The following ERO1A variants were observed in gnomAD, a reference collection of about 807,000 sequenced individuals.
ERO1A encodes endoplasmic reticulum oxidoreductase 1 alpha.
In ERO1A, 49 loss-of-function variants were observed where a neutral mutation model predicts 76.9. The ratio of observed to expected loss-of-function variants is 0.64; its 90% CI spans 0.51 to 0.81. The LOEUF (loss-of-function observed/expected upper bound fraction) is 0.81. Ranked by LOEUF, ERO1A falls within the 30% of genes least tolerant of loss-of-function variation. The pLI is 0.00. For missense variants in ERO1A, 448 were observed against 542.1 expected (o/e 0.83, Z 1.72); for synonymous variants, 174 against 181.2 (o/e 0.96, Z 0.32).
Position 52,641,903 on chromosome 14 carries a change from T to G in ERO1A, c.*1667A>C, listed in dbSNP as rs2039488676. ...ATGCATACATTCATCCAACAAATAT[T>G]TATTGGATACCAAGTATGTGCTTGG... On this transcript the variant is annotated 3_prime_UTR_variant, in exon 16 of 16. Transcript: ENST00000395686. 6.6e-6 allele frequency: 1 copy of G among 152,190 alleles called. No individual in the cohort carries two copies. The highest frequency in any genetic ancestry group is 1.5e-5 in the Non-Finnish European group (1 of 68,048). The allele number at this position is 152,190 out of a possible 1,614,324, so 9.4% of individuals were successfully genotyped here.
chr14:52,695,439 C>T lies in ERO1A; in HGVS notation c.43G>A (p.Val15Met). Residue 15 changes from valine to methionine, a missense_variant, in exon 1 of 16, where the codon GTG becomes ATG. Val to Met is a conservative substitution (Grantham distance 21, BLOSUM62 1). Transcript: ENST00000395686. ...CCGTGGCCCGAGCTGAGCAGCCACA[C>T]GGCGCCCAGGAGGCCAAACAAGAAT... Reference protein sequence around the residue: ...WGFLFGLLGAVWLLSSGHGEE... With the variant: ...WGFLFGLLGAMWLLSSGHGEE... 1.3e-6 allele frequency: 2 copies of T among 1,551,274 alleles called. No individual in the cohort carries two copies. The highest frequency in any genetic ancestry group is 2.5e-5 in the East Asian group (1 of 40,290).
chr14:52,673,881 G>T (rs1167822991), intron 4 of ERO1A, among the ~76,000 whole-genome samples: 1 of 152,110 alleles, frequency 6.6e-6, no homozygotes, highest in Non-Finnish European at 1.5e-5. Context: ...AGGACTACAG[G>T]TGCATGCCAC....
chr14:52,662,315 G>A (rs2040258198), intron 8 of ERO1A, among the ~76,000 whole-genome samples: 1 of 152,042 alleles, frequency 6.6e-6, no homozygotes, highest in South Asian at 2.1e-4. Context: ...CTTCCACTGA[G>A]TCACCACATG....
intron 15 of ERO1A, among the ~76,000 whole-genome samples, chr14:52,645,116 A>G (rs1209157639): frequency 6.6e-6 from 1 of 152,090 alleles, no homozygotes; most frequent in African/African-American, 2.4e-5. Context: ...TTTTTATATA[A>G]TGGTGAGTTC....
chr14:52,659,833 T>TAA (rs11463869), intron 9 of ERO1A, among the ~76,000 whole-genome samples: 20 of 137,636 alleles, frequency 1.5e-4, no homozygotes, highest in Admixed American at 2.2e-4. Context: ...GTGTCCTTTT[T>TAA]AAAAAAAAAA....
intron 8 of ERO1A, among the ~76,000 whole-genome samples, chr14:52,663,380 A>T (rs1225152153): frequency 6.6e-6 from 1 of 152,038 alleles, no homozygotes; most frequent in African/African-American, 2.4e-5. Flanking sequence ...CGGGTGGATC[A>T]TGAGGTCAGG....
At chr14:52,691,322 A>G (rs1457110434) in intron 1 of ERO1A, among the ~76,000 whole-genome samples, 1 of 152,230 alleles carries the variant, frequency 6.6e-6, no homozygotes, top group Non-Finnish European at 1.5e-5. Context: ...CTAGAACGCT[A>G]CAGGTCATTT....
At chr14:52,656,897 C>A (rs1476801411) in intron 11 of ERO1A, among the ~76,000 whole-genome samples, 1 of 151,976 alleles carries the variant, frequency 6.6e-6, no homozygotes, top group Non-Finnish European at 1.5e-5. Flanking sequence ...CTTGTCTCTA[C>A]AAAAAATATT....
At chr14:52,680,207 C>T (rs946574295) in intron 3 of ERO1A, among the ~76,000 whole-genome samples, 1 of 151,464 alleles carries the variant, frequency 6.6e-6, no homozygotes, top group African/African-American at 2.4e-5. Flanking sequence ...AAATTGATAA[C>T]TTCCACCTGA....
At position 52,683,894 on chromosome 14, in the gene ERO1A, A is replaced by G; in HGVS notation, c.128T>C (p.Leu43Ser). 1 of 1,587,574 alleles carries G rather than the reference A, an allele frequency of 6.3e-7. No homozygotes were observed. The highest frequency in any genetic ancestry group is 8.6e-7 in the Non-Finnish European group (1 of 1,165,280). Residue 43 changes from leucine to serine, a missense_variant, in exon 2 of 16, where the codon TTG (leucine) becomes TCG (serine). Physicochemically the swap from Leu to Ser is moderately radical, Grantham distance 145 (BLOSUM62 -2). Transcript: ENST00000395686. ...TTCAACATCACAGGTACAATCATCC[A>G]AGTAACCACTAACCTGTTACAAAGA... ...QRCFCQVSGY[L>S]DDCTCDVETI...
At chr14:52,648,218 C>T (rs752565712) in intron 13 of ERO1A, among the ~76,000 whole-genome samples, 3 of 151,930 alleles carry the variant, frequency 2.0e-5, no homozygotes, top group Non-Finnish European at 2.9e-5. Flanking sequence ...ACATGACATC[C>T]AAGCAACAGG....
At chr14:52,665,640 C>T (rs1168595643) in intron 7 of ERO1A, among the ~76,000 whole-genome samples, 2 of 152,138 alleles carry the variant, frequency 1.3e-5, no homozygotes, top group Non-Finnish European at 2.9e-5. Context: ...ATCCCAAAAC[C>T]AGTGAGTACA....
chr14:52,690,830 C>T (rs1292179601), intron 1 of ERO1A, among the ~76,000 whole-genome samples: 6 of 152,274 alleles, frequency 3.9e-5, no homozygotes, highest in Non-Finnish European at 5.9e-5. Flanking sequence ...TGTGATGGTG[C>T]GATCTCACCT....
intron 6 of ERO1A, among the ~76,000 whole-genome samples, chr14:52,667,427 G>A (rs1347521994): frequency 6.6e-6 from 1 of 152,056 alleles, no homozygotes; most frequent in Non-Finnish European, 1.5e-5. Context: ...CAAAAAAGAT[G>A]GTCGGTCCCA....
At chr14:52,656,656 G>A (rs1594822325) in intron 11 of ERO1A, among the ~76,000 whole-genome samples, 1 of 146,650 alleles carries the variant, frequency 6.8e-6, no homozygotes, top group Non-Finnish European at 1.5e-5. Context: ...AGGTCACAGT[G>A]AGCCAAGATC....
rs1467811631 is a variant in ERO1A at position 52,642,305 on chromosome 14, G to A, written c.*1265C>T. The A allele has an allele frequency of 6.6e-6, 1 of 152,010 alleles. No individual in the cohort carries two copies. Among genetic ancestry groups the A allele is most frequent in the Non-Finnish European group, 1.5e-5 (1 of 68,016 alleles). The allele number at this position is 152,010 out of a possible 1,614,324, so 9.4% of individuals were successfully genotyped here. ...CCCAGCTACTTGGGAGGCTGAGGTG[G>A]GAAGATCACTTCAGCCCAGTCGTTC... On this transcript the variant is annotated 3_prime_UTR_variant, in exon 16 of 16. Transcript: ENST00000395686.
At chr14:52,680,082 C>CAA (rs35358193) in intron 3 of ERO1A, among the ~76,000 whole-genome samples, 4 of 90,904 alleles carry the variant, frequency 4.4e-5, no homozygotes, top group Non-Finnish European at 4.4e-5. Context: ...AAAACACAAA[C>CAA]AAAAAAAAAA....
chr14:52,683,806 G>T lies in ERO1A; in HGVS notation c.216C>A (p.Asp72Glu). Reference protein sequence around the residue: ...FPRLQKLLESDYFRYYKVNLK... With the variant: ...FPRLQKLLESEYFRYYKVNLK... Reference sequence around the variant, plus strand: ...AAAATACCTTGTAATACCTAAAGTAGTCACTTTCAAGAAGTTTTTGTAGTC... The same window carrying T: ...AAAATACCTTGTAATACCTAAAGTATTCACTTTCAAGAAGTTTTTGTAGTC... The change falls in exon 2 of 16, where the codon GAC becomes GAA. Residue 72 changes from aspartate (D) to glutamate (E), a missense_variant. Asp to Glu is a conservative substitution (Grantham distance 45). Coordinates refer to ENST00000395686, the MANE Select transcript of ERO1A (RefSeq NM_014584.3). The T allele has an allele frequency of 6.7e-7, 1 of 1,491,374 alleles. No individual in the cohort carries two copies. Among genetic ancestry groups the T allele is most frequent in the Non-Finnish European group, 9.2e-7 (1 of 1,086,934 alleles). 92.4% of individuals were successfully genotyped at this position (1,491,374 alleles called of 1,614,324 possible). A position where few individuals can be genotyped will look rare whatever the true frequency, so the allele number is the denominator to read the frequency against.
At position 52,640,543 on chromosome 14, in the gene ERO1A, A is replaced by ATATT. The variant is rs761896201; in HGVS notation, c.*3023_*3026dup. On this transcript the variant is annotated 3_prime_UTR_variant, in exon 16 of 16. Transcript: ENST00000395686. Reference sequence around the variant, plus strand: ...TGAAAGTTCCTGAAGTCACTGAAGGATATTAGGGAGTAACACTGTCAGAGT... The same window carrying ATATT: ...TGAAAGTTCCTGAAGTCACTGAAGGATATTTATTAGGGAGTAACACTGTCAGAGT... 7.9e-5 allele frequency: 12 copies of ATATT among 152,254 alleles called. No homozygotes were observed. The highest frequency in any genetic ancestry group is 1.6e-4 in the Non-Finnish European group (11 of 68,072). The allele number at this position is 152,254 out of a possible 1,614,324, so 9.4% of individuals were successfully genotyped here.
Sources: allele counts gnomAD v4.1 joint callset (sites outside exome capture counted in the v4.1 genomes callset), GRCh38; gene constraint gnomAD v4.1.1; transcripts MANE v1.5; gene names NCBI Gene and HGNC (gene_info 2026-07-23, HGNC 2026-07-21).